The following GPBAR1 variants were observed in gnomAD, a reference collection of about 807,000 sequenced individuals.
GPBAR1 encodes G protein-coupled bile acid receptor 1, also known as G-protein coupled bile acid receptor 1.
In GPBAR1, 13 loss-of-function variants were observed where a neutral mutation model predicts 13.0. That is an observed-to-expected ratio of 1.00 (90% CI 0.65 to 1.59). GPBAR1 has a LOEUF of 1.59. Ranked by LOEUF, GPBAR1 falls within the 40% of genes most tolerant of loss-of-function variation. The pLI is 0.00. For missense variants in GPBAR1, 398 were observed against 436.4 expected (o/e 0.91, Z 0.78); for synonymous variants, 193 against 205.2 (o/e 0.94, Z 0.51).
At chr2:218,260,858 G>A (rs1401595570), upstream of GPBAR1, among the ~76,000 whole-genome samples, 1 of 152,046 alleles carries the variant, frequency 6.6e-6, no homozygotes, top group Non-Finnish European at 1.5e-5. Flanking sequence ...CCGAGCTGGA[G>A]TAGGGAAACT....
upstream of GPBAR1, among the ~76,000 whole-genome samples, chr2:218,260,716 G>A (rs1690389445): frequency 6.6e-6 from 1 of 152,202 alleles, no homozygotes; most frequent in African/African-American, 2.4e-5. Flanking sequence ...AAGTGTGGAG[G>A]GAGCCTGGTG....
At position 218,262,312 on chromosome 2, in the gene GPBAR1, T is replaced by C. The variant is rs918489611; in HGVS notation, c.-45-368T>C. 5 of 175,956 alleles carry C rather than the reference T, an allele frequency of 2.8e-5. No homozygotes were observed. The East Asian group carries it at 7.6e-4, about 27-fold the overall frequency. The allele number at this position is 175,956 out of a possible 1,614,324, so 10.9% of individuals were successfully genotyped here. A position where few individuals can be genotyped will look rare whatever the true frequency, so the allele number is the denominator to read the frequency against. On this transcript the variant is annotated intron_variant, in intron 1 of 1. Transcript: ENST00000519574. This position sits in a 1 kb window ranked among gnomAD's most constrained non-coding sequence, Gnocchi z 5.1. ...CCGGTGGAGGCAGGGATACACAAAA[T>C]GCTTTGGGGCTGGATGGGCCCGCCT...
chr2:218,263,132 G>A lies in GPBAR1; in HGVS notation c.408G>A (p.Leu136=). The stretch of plus-strand genomic sequence containing the variant: ...TGCTCCTCACCTGGGCTGGTCCCCT[G>A]CTCTTTGCCAGTCTGCCCGCTCTGG... The part of the protein sequence containing the change: ...LALLLTWAGP[L]LFASLPALGW... Residue 136 remains leucine (L), a synonymous_variant, in exon 2 of 2, where the codon CTG becomes CTA. Transcript: ENST00000519574. The surrounding 1 kb of genome is among the most constrained non-coding windows in gnomAD (Gnocchi z 4.2). 6.2e-7 allele frequency: 1 copy of A among 1,612,342 alleles called. No homozygotes were observed. The highest frequency in any genetic ancestry group is 8.5e-7 in the Non-Finnish European group (1 of 1,179,864).
In GPBAR1 at chr2:218,263,749, A is replaced by T; in HGVS notation, c.*32A>T. The T allele has an allele frequency of 6.2e-7, 1 of 1,612,610 alleles. No homozygotes were observed. The highest frequency in any genetic ancestry group is 1.3e-5 in the African/African-American group (1 of 75,028). On this transcript the variant is annotated 3_prime_UTR_variant, in exon 2 of 2. Transcript: ENST00000519574. This position sits in a 1 kb window ranked among gnomAD's most constrained non-coding sequence, Gnocchi z 4.2. Reference sequence around the variant, plus strand: ...GGCCTCTGCTGACTCCTACCAGAGCATCCGTCCAGCTCAGCCATCCAGCCT... The same window carrying T: ...GGCCTCTGCTGACTCCTACCAGAGCTTCCGTCCAGCTCAGCCATCCAGCCT...
rs200824783 is a variant in GPBAR1 at position 218,263,349 on chromosome 2, G to T, written c.625G>T (p.Asp209Tyr). 1.2e-6 allele frequency: 2 copies of T among 1,600,732 alleles called. No homozygotes were observed. Among genetic ancestry groups the T allele is most frequent in the Non-Finnish European group, 8.5e-7 (1 of 1,175,782 alleles). Residue 209 changes from aspartate (D) to tyrosine (Y), a missense_variant, in exon 2 of 2, where the codon GAT becomes TAT. Coordinates refer to ENST00000519574, the MANE Select transcript of GPBAR1 (RefSeq NM_170699.3). This position sits in a 1 kb window ranked among gnomAD's most constrained non-coding sequence, Gnocchi z 4.2. ...ICRLERAVCR[D>Y]EPSALARALT... ...CCGGCTGGAGCGGGCAGTGTGCCGCGATGAGCCCTCCGCCCTGGCCCGGGC... is the reference window on the plus strand; with the variant it reads ...CCGGCTGGAGCGGGCAGTGTGCCGCTATGAGCCCTCCGCCCTGGCCCGGGC...
upstream of GPBAR1, among the ~76,000 whole-genome samples, chr2:218,260,386 A>G (rs772948332): frequency 6.6e-6 from 1 of 152,230 alleles, no homozygotes; most frequent in Admixed American, 6.5e-5. Flanking sequence ...AGGGCCATGC[A>G]CTGGGGTATA....
chr2:218,263,706 G>A lies in GPBAR1; in HGVS notation c.982G>A (p.Asp328Asn), dbSNP rs201965997. The change falls in exon 2 of 2, where the codon GAC becomes AAC. Residue 328 changes from aspartate (D) to asparagine (N), a missense_variant. Asp to Asn is a conservative substitution (Grantham distance 23). Coordinates refer to ENST00000519574, the MANE Select transcript of GPBAR1 (RefSeq NM_170699.3). This position sits in a 1 kb window ranked among gnomAD's most constrained non-coding sequence, Gnocchi z 4.2. ...AAGCAGCCAAAGCAGTGTCGACCTGGACTTGAACTAAAGGAAGGGCCTCTG... is the reference window on the plus strand; with the variant it reads ...AAGCAGCCAAAGCAGTGTCGACCTGAACTTGAACTAAAGGAAGGGCCTCTG... Reference protein sequence around the residue: ...HPSSQSSVDLDLN With the variant: ...HPSSQSSVDLNLN The A allele has an allele frequency of 8.7e-5, 140 of 1,612,816 alleles. No homozygotes were observed. Among genetic ancestry groups the A allele is most frequent in the Non-Finnish European group, 1.1e-4 (131 of 1,179,876 alleles).
rs771464145 is a variant in GPBAR1, at chr2:218,262,760, C to T, written c.36C>T (p.Pro12=). The T allele has an allele frequency of 8.1e-6, 13 of 1,608,402 alleles. No individual in the cohort carries two copies. In the South Asian group the frequency reaches 1.4e-4, roughly 18 times the overall value. The part of the protein sequence containing the change: ...TPNSTGEVPS[P]IPKGALGLSL... ...ACAGCACTGGCGAGGTGCCCAGCCC[C>T]ATTCCCAAGGGGGCTTTGGGGCTCT... is the stretch of plus-strand genomic sequence containing the variant. The change falls in exon 2 of 2, where the codon CCC becomes CCT. Residue 12 remains proline (P), a synonymous_variant. Coordinates refer to ENST00000519574, the MANE Select transcript of GPBAR1 (RefSeq NM_170699.3). This position sits in a 1 kb window ranked among gnomAD's most constrained non-coding sequence, Gnocchi z 5.1.
At chr2:218,261,404 G>T (rs147203485) in intron 1 of GPBAR1, among the ~76,000 whole-genome samples, 188 bp downstream of exon 1, 1 of 152,294 alleles carries the variant, frequency 6.6e-6, no homozygotes, top group African/African-American at 2.4e-5. Flanking sequence ...GAATCATTCC[G>T]ATTAGGGCTG....
chr2:218,263,072 G>A lies in GPBAR1; in HGVS notation c.348G>A (p.Arg116=), dbSNP rs772430608. The A allele has an allele frequency of 6.2e-7, 1 of 1,613,352 alleles. No homozygotes were observed. The highest frequency in any genetic ancestry group is 8.5e-7 in the Non-Finnish European group (1 of 1,179,856). The change falls in exon 2 of 2, where the codon AGG becomes AGA. Residue 116 remains arginine, a synonymous_variant. Coordinates refer to ENST00000519574, the MANE Select transcript of GPBAR1 (RefSeq NM_170699.3). The surrounding 1 kb of genome is among the most constrained non-coding windows in gnomAD (Gnocchi z 4.2). ...GGGAGCGCTACATGGCAGTCCTGAG[G>A]CCACTCCAGCCCCCTGGGAGCATTC... ...VHGERYMAVL[R]PLQPPGSIRL... is the part of the protein sequence containing the mutation.
At chr2:218,260,910 G>A (rs537996260), upstream of GPBAR1, 3 of 152,290 alleles carry the variant, frequency 2.0e-5, no homozygotes, top group African/African-American at 7.2e-5. Context: ...GGGTGGGAGG[G>A]GGAGGCAGGC....
chr2:218,263,782 C>A lies in GPBAR1; in HGVS notation c.*65C>A. ...AGCTCAGCCATCCAGCCTGTCTCTA[C>A]CGGGCCCCACTTCTCTGGATCAGAG... On this transcript the variant is annotated 3_prime_UTR_variant, in exon 2 of 2. Coordinates refer to ENST00000519574, the MANE Select transcript of GPBAR1 (RefSeq NM_170699.3). The surrounding 1 kb of genome is among the most constrained non-coding windows in gnomAD (Gnocchi z 4.2). The A allele has an allele frequency of 6.3e-7, 1 of 1,593,080 alleles. No individual in the cohort carries two copies. Among genetic ancestry groups the A allele is most frequent in the Non-Finnish European group, 8.6e-7 (1 of 1,161,850 alleles).
Position 218,262,647 on chromosome 2 carries a change from C to A in GPBAR1, c.-45-33C>A. On this transcript the variant is annotated intron_variant, in intron 1 of 1. Coordinates refer to ENST00000519574, the MANE Select transcript of GPBAR1 (RefSeq NM_170699.3). The surrounding 1 kb of genome is among the most constrained non-coding windows in gnomAD (Gnocchi z 5.1). ...CCTGCCAGGAGGACACGACCTGCAG[C>A]CCCATCCTAACTCTGGCCACCCCAT... 7.1e-7 allele frequency: 1 copy of A among 1,416,608 alleles called. No individual in the cohort carries two copies. Among genetic ancestry groups the A allele is most frequent in the Non-Finnish European group, 9.3e-7 (1 of 1,073,150 alleles). 87.8% of individuals were successfully genotyped at this position (1,416,608 alleles called of 1,614,324 possible). A position where few individuals can be genotyped will look rare whatever the true frequency, so the allele number is the denominator to read the frequency against.
rs142246440 is a variant in GPBAR1, at chr2:218,262,448, G to A, written c.-45-232G>A. The stretch of plus-strand genomic sequence containing the variant: ...CGAAGGGCAGCCAGCAGTGAGCTCC[G>A]GCTGGTTGCTACCACACAGGACATA... On this transcript the variant is annotated intron_variant, in intron 1 of 1. Transcript: ENST00000519574. This position sits in a 1 kb window ranked among gnomAD's most constrained non-coding sequence, Gnocchi z 5.1. 6.3e-4 allele frequency: 278 copies of A among 437,832 alleles called. No homozygotes were observed. The highest frequency in any genetic ancestry group is 9.7e-4 in the Non-Finnish European group (239 of 245,648). The allele number at this position is 437,832 out of a possible 1,614,324, so 27.1% of individuals were successfully genotyped here. A position where few individuals can be genotyped will look rare whatever the true frequency, so the allele number is the denominator to read the frequency against.
At chr2:218,259,774 GTC>G (rs1333276359), upstream of GPBAR1, 6 of 152,314 alleles carry the variant, frequency 3.9e-5, no homozygotes, top group East Asian at 3.8e-4. Context: ...GTTTCCTAAT[GTC>G]TCACCCCCAG....
Position 218,261,130 on chromosome 2 carries a change from C to G in GPBAR1, c.-132C>G, listed in dbSNP as rs757571712. 1.3e-5 allele frequency: 2 copies of G among 152,330 alleles called. No individual in the cohort carries two copies. Among genetic ancestry groups the G allele is most frequent in the Non-Finnish European group, 2.9e-5 (2 of 68,122 alleles). 9.4% of individuals were successfully genotyped at this position (152,330 alleles called of 1,614,324 possible). A position where few individuals can be genotyped will look rare whatever the true frequency, so the allele number is the denominator to read the frequency against. On this transcript the variant is annotated 5_prime_UTR_variant, in exon 1 of 2. Transcript: ENST00000519574. ...CTTCAGCCAGGACACCAGACATGGT[C>G]CAAACCGCTGCAGGGCTGGCTGCAG...
In GPBAR1 at chr2:218,263,079, C is replaced by A; in HGVS notation, c.355C>A (p.Gln119Lys). Residue 119 changes from glutamine to lysine, a missense_variant, in exon 2 of 2, where the codon CAG becomes AAG. Gln to Lys is a moderately conservative substitution (Grantham distance 53). Transcript: ENST00000519574. This position sits in a 1 kb window ranked among gnomAD's most constrained non-coding sequence, Gnocchi z 4.2. ...CTACATGGCAGTCCTGAGGCCACTC[C>A]AGCCCCCTGGGAGCATTCGGCTGGC... ...ERYMAVLRPLQPPGSIRLALL... is the reference protein window; with the variant it reads ...ERYMAVLRPLKPPGSIRLALL... 1 of 1,613,476 alleles carries A rather than the reference C, an allele frequency of 6.2e-7. No homozygotes were observed. The highest frequency in any genetic ancestry group is 8.5e-7 in the Non-Finnish European group (1 of 1,179,862).
chr2:218,262,685 C>T lies in GPBAR1; in HGVS notation c.-40C>T. 6.6e-7 allele frequency: 1 copy of T among 1,504,218 alleles called. No individual in the cohort carries two copies. The highest frequency in any genetic ancestry group is 8.9e-7 in the Non-Finnish European group (1 of 1,129,600). The allele number at this position is 1,504,218 out of a possible 1,614,324, so 93.2% of individuals were successfully genotyped here. A position where few individuals can be genotyped will look rare whatever the true frequency, so the allele number is the denominator to read the frequency against. ...CTGGCCACCCCATCCTGCAGGCATGCCGGCTGCCGCTCCAGGACTCCCCTG... is the reference window on the plus strand; with the variant it reads ...CTGGCCACCCCATCCTGCAGGCATGTCGGCTGCCGCTCCAGGACTCCCCTG... On this transcript the variant is annotated 5_prime_UTR_variant, in exon 2 of 2. Transcript: ENST00000519574. The surrounding 1 kb of genome is among the most constrained non-coding windows in gnomAD (Gnocchi z 5.1).
At position 218,261,062 on chromosome 2, in the gene GPBAR1, T is replaced by A. The variant is rs1690400468; in HGVS notation, c.-200T>A. 6.6e-6 allele frequency: 1 copy of A among 152,228 alleles called. No individual in the cohort carries two copies. The highest frequency in any genetic ancestry group is 1.5e-5 in the Non-Finnish European group (1 of 68,084). The allele number at this position is 152,228 out of a possible 1,614,324, so 9.4% of individuals were successfully genotyped here. A position where few individuals can be genotyped will look rare whatever the true frequency, so the allele number is the denominator to read the frequency against. On this transcript the variant is annotated 5_prime_UTR_variant, in exon 1 of 2. Transcript: ENST00000519574. ...TGGGTAGGAGAGCCTGGCCCCGCTG[T>A]CCCCACTGGGTGGAGACACCATGCA... is the stretch of plus-strand genomic sequence containing the variant.
Sources: gnomAD v4.1 joint callset for allele counts (sites outside exome capture counted in the v4.1 genomes callset) on GRCh38, gnomAD v4.1.1 for gene constraint, Gnocchi (gnomAD v3.1) non-coding constraint, MANE v1.5 for transcripts, NCBI Gene and HGNC (gene_info 2026-07-23, HGNC 2026-07-21) for gene names.